PARP14: variants seen among roughly 807,000 people sequenced by gnomAD.
PARP14 encodes the protein protein mono-ADP-ribosyltransferase PARP14.
PARP14 carries 59 observed loss-of-function variants against 154.2 expected under a neutral mutation model. The ratio of observed to expected loss-of-function variants is 0.38; its 90% CI spans 0.31 to 0.48. The LOEUF (loss-of-function observed/expected upper bound fraction) is 0.48, where lower values mean the gene tolerates loss of function less well. Ranked by LOEUF, PARP14 falls within the 20% of genes least tolerant of loss-of-function variation. The probability of loss-of-function intolerance (pLI) is 0.98; values close to 1 mark genes in which losing one functional copy is unlikely to be tolerated. For synonymous variants in PARP14, 720 were observed against 780.5 expected (o/e 0.92, Z 1.29); for missense variants, 1,734 against 2,131.6 (o/e 0.81, Z 3.67).
At chr3:122,722,975 A>T (rs1310502132) in intron 15 of PARP14, among the ~76,000 whole-genome samples, 1 of 148,540 alleles carries the variant, frequency 6.7e-6, no homozygotes, top group African/African-American at 2.5e-5. Context: ...TTGCTCTTTC[A>T]CCCAGGCTGG....
At chr3:122,685,765 C>T (rs898437491) in intron 2 of PARP14, among the ~76,000 whole-genome samples, 7 of 152,030 alleles carry the variant, frequency 4.6e-5, no homozygotes, top group African/African-American at 1.4e-4. Context: ...ACCTAGGCCT[C>T]CCAAAGTGCT....
intron 6 of PARP14, among the ~76,000 whole-genome samples, chr3:122,702,934 T>C (rs989697449): frequency 7.2e-5 from 10 of 139,844 alleles, no homozygotes; most frequent in African/African-American, 2.8e-4. Flanking sequence ...GAGGCTGCAG[T>C]GAACTATGAT....
chr3:122,694,667 G>A (rs182729457), intron 4 of PARP14, among the ~76,000 whole-genome samples: 8 of 152,184 alleles, frequency 5.3e-5, no homozygotes, highest in South Asian at 2.1e-4. Context: ...CTACAGGCGC[G>A]CACAACCATG....
intron 14 of PARP14, among the ~76,000 whole-genome samples, chr3:122,719,783 A>G (rs1428855821): frequency 6.6e-6 from 1 of 152,226 alleles, no homozygotes; most frequent in Non-Finnish European, 1.5e-5. Context: ...TAAAGATGCT[A>G]TGAAGAATAA....
intron 8 of PARP14, among the ~76,000 whole-genome samples, chr3:122,707,726 A>T (rs1939205052): frequency 6.6e-6 from 1 of 152,156 alleles, no homozygotes; most frequent in Non-Finnish European, 1.5e-5. Context: ...TAAGCCCAGG[A>T]GGTCGAGGCT....
rs948020443 is a variant in PARP14 at position 122,701,806 on chromosome 3, A to G, written c.3081+171A>G. Among the ~76,000 whole-genome samples the G allele has an allele frequency of 6.6e-6, 1 of 152,206 alleles. No homozygotes were observed. Among genetic ancestry groups the G allele is most frequent in the Non-Finnish European group, 1.5e-5 (1 of 68,032 alleles). The stretch of plus-strand genomic sequence containing the variant: ...TTTTCCTTAGATAATTGGGCTTCTT[A>G]CCAAATCATTTACTAATAGAGATCG... On this transcript the variant is annotated intron_variant, in intron 6 of 16. Coordinates refer to ENST00000474629, the MANE Select transcript of PARP14 (RefSeq NM_017554.3). The surrounding 1 kb of genome is among the most constrained non-coding windows in gnomAD (Gnocchi z 4.0).
chr3:122,723,415 GT>G (rs1409167824), intron 15 of PARP14, among the ~76,000 whole-genome samples: 2 of 152,130 alleles, frequency 1.3e-5, no homozygotes, highest in African/African-American at 4.8e-5. Context: ...TTTTTTTAGA[GT>G]TTAAGCCAAT....
intron 9 of PARP14, among the ~76,000 whole-genome samples, chr3:122,709,309 GT>G (rs1939250482): frequency 6.6e-6 from 1 of 151,968 alleles, no homozygotes; most frequent in African/African-American, 2.4e-5. Context: ...AGGATGTTTG[GT>G]TTTGCATTCC....
intron 6 of PARP14, among the ~76,000 whole-genome samples, chr3:122,702,764 CTT>C (rs1939017286): frequency 6.6e-6 from 1 of 152,028 alleles, no homozygotes. Flanking sequence ...AATAAAAACT[CTT>C]TGGACCAAGC....
At position 122,701,053 on chromosome 3, in the gene PARP14, G is replaced by C; in HGVS notation, c.2499G>C (p.Leu833=). Residue 833 remains leucine, a synonymous_variant, in exon 6 of 17, where the codon CTG becomes CTC. Coordinates refer to ENST00000474629, the MANE Select transcript of PARP14 (RefSeq NM_017554.3). This position sits in a 1 kb window ranked among gnomAD's most constrained non-coding sequence, Gnocchi z 4.0. ...SNEDLKHYGG[L]AAALSKAAGP... ...AGGACCTTAAGCATTATGGTGGCCT[G>C]GCCGCTGCGCTCTCAAAAGCAGCTG... The C allele has an allele frequency of 6.2e-7, 1 of 1,614,002 alleles. No homozygotes were observed. Among genetic ancestry groups the C allele is most frequent in the South Asian group, 1.1e-5 (1 of 91,086 alleles).
chr3:122,700,655 A>G lies in PARP14; in HGVS notation c.2101A>G (p.Asn701Asp). The change falls in exon 6 of 17, where the codon AAT (asparagine) becomes GAT (aspartate). Residue 701 changes from asparagine (N) to aspartate (D), a missense_variant. Asn to Asp is a conservative substitution (Grantham distance 23, BLOSUM62 1). This residue lies in a region of PARP14 where 1,646 missense variants were observed against 1,976.0 expected (regional missense o/e 0.83). Coordinates refer to ENST00000474629, the MANE Select transcript of PARP14 (RefSeq NM_017554.3). ...ATTCTGGCCAAAGATAAAGAAGGTA[A>G]ATGTGCAGGTAAGTTTCAATCCTGA... is the stretch of plus-strand genomic sequence containing the variant. Reference protein sequence around the residue: ...KLFWPKIKKVNVQVSFNPENK... With the variant: ...KLFWPKIKKVDVQVSFNPENK... 1 of 1,607,644 alleles carries G rather than the reference A, an allele frequency of 6.2e-7. No individual in the cohort carries two copies. Among genetic ancestry groups the G allele is most frequent in the Non-Finnish European group, 8.5e-7 (1 of 1,176,722 alleles).
chr3:122,708,279 G>A lies in PARP14; in HGVS notation c.3619+11G>A. 4.8e-6 allele frequency: 7 copies of A among 1,468,026 alleles called. No individual in the cohort carries two copies. The highest frequency in any genetic ancestry group is 5.6e-6 in the Non-Finnish European group (6 of 1,067,050). 90.9% of individuals were successfully genotyped at this position (1,468,026 alleles called of 1,614,324 possible). On this transcript the variant is annotated intron_variant, in intron 9 of 16. Coordinates refer to ENST00000474629, the MANE Select transcript of PARP14 (RefSeq NM_017554.3). ...CTAAAGATACACAAGGTTCAGTAAA[G>A]CTTCTAAATTGAGAAGTGATTTCTA...
intron 15 of PARP14, among the ~76,000 whole-genome samples, chr3:122,724,004 C>A (rs1453163425): frequency 6.6e-6 from 1 of 152,126 alleles, no homozygotes; most frequent in Non-Finnish European, 1.5e-5. Flanking sequence ...GTTAGATGTA[C>A]ACATTATCCT....
Position 122,728,588 on chromosome 3 carries a change from T to C in PARP14, c.5397T>C (p.Phe1799=), listed in dbSNP as rs768844711. Residue 1799 remains phenylalanine, a synonymous_variant, in exon 17 of 17, where the codon TTT becomes TTC. Transcript: ENST00000474629. ...YQAYPEYLIT[F]RK is the part of the protein sequence containing the mutation. ...CATACCCAGAGTACCTTATTACGTT[T>C]AGAAAATAACACTTTGGTATCCTTC... is the stretch of plus-strand genomic sequence containing the variant. 6.2e-7 allele frequency: 1 copy of C among 1,608,762 alleles called. No individual in the cohort carries two copies. The highest frequency in any genetic ancestry group is 1.1e-5 in the South Asian group (1 of 90,960).
intron 12 of PARP14, among the ~76,000 whole-genome samples, chr3:122,717,103 A>AC (rs1185023327): frequency 4.0e-5 from 6 of 151,810 alleles, no homozygotes; most frequent in Non-Finnish European, 7.4e-5. Flanking sequence ...GATTTGAACA[A>AC]CCCCCCTTGG....
chr3:122,721,195 G>T, intron 15 of PARP14: 3 of 266,192 alleles, frequency 1.1e-5, no homozygotes, highest in South Asian at 3.4e-5. Flanking sequence ...TACCCTTCTT[G>T]GATTCAACTA....
At position 122,708,240 on chromosome 3, in the gene PARP14, C is replaced by A. The variant is rs1939221425; in HGVS notation, c.3591C>A (p.Asp1197Glu). The A allele has an allele frequency of 6.4e-7, 1 of 1,572,744 alleles. No homozygotes were observed. The highest frequency in any genetic ancestry group is 8.6e-7 in the Non-Finnish European group (1 of 1,156,182). ...GGGCTAATGGAAATCTCGTCAGTGA[C>A]AAAATTCCGAAGGCTAAAGATACAC... ...ARRANGNLVS[D>E]KIPKAKDTQG... The change falls in exon 9 of 17, where the codon GAC becomes GAA. Residue 1197 changes from aspartate (D) to glutamate (E), a missense_variant. Physicochemically the swap from Asp to Glu is conservative, Grantham distance 45. Coordinates refer to ENST00000474629, the MANE Select transcript of PARP14 (RefSeq NM_017554.3).
intron 3 of PARP14, among the ~76,000 whole-genome samples, chr3:122,690,714 A>G (rs1161931775): frequency 6.6e-6 from 1 of 152,088 alleles, no homozygotes; most frequent in Non-Finnish European, 1.5e-5. Flanking sequence ...GTTTCATCAC[A>G]TTGGCCAGGC....
chr3:122,684,660 C>T (rs532211856), intron 1 of PARP14, among the ~76,000 whole-genome samples: 1 of 151,806 alleles, frequency 6.6e-6, no homozygotes, highest in Non-Finnish European at 1.5e-5. Context: ...CTTTTACTAT[C>T]AGATGTGAGA....
Sources: gnomAD v4.1 joint callset for allele counts (sites outside exome capture counted in the v4.1 genomes callset) on GRCh38, gnomAD v4.1.1 for gene constraint, gnomAD v4.1.1 regional missense constraint, Gnocchi (gnomAD v3.1) non-coding constraint, MANE v1.5 for transcripts, NCBI Gene and HGNC (gene_info 2026-07-23, HGNC 2026-07-21) for gene names.